TUSC3: variants seen among roughly 807,000 people sequenced by gnomAD.
The protein encoded by TUSC3 is tumor suppressor candidate 3.
Under a neutral mutation model 44.8 loss-of-function variants are expected in TUSC3, and 45 were observed. The ratio of observed to expected loss-of-function variants is 1.00; its 90% confidence interval spans 0.79 to 1.29. TUSC3 has a LOEUF of 1.29. TUSC3 is among the 50% of genes most tolerant of loss of function. TUSC3 has a pLI of 0.00. For missense variants in TUSC3, 519 were observed against 437.9 expected (o/e 1.19, Z -1.65); for synonymous variants, 212 against 152.9 (o/e 1.39, Z -2.85).
chr8:15,528,776 G>T (rs1177415916), intron 2 of TUSC3, among the ~76,000 whole-genome samples: 1 of 152,008 alleles, frequency 6.6e-6, no homozygotes, highest in Non-Finnish European at 1.5e-5. Context: ...TCAAACATTT[G>T]TCCATATCCC....
chr8:15,711,904 A>G (rs889109477), intron 6 of TUSC3, among the ~76,000 whole-genome samples: 1 of 151,864 alleles, frequency 6.6e-6, no homozygotes, highest in Admixed American at 6.6e-5. Flanking sequence ...TCACGTTTTT[A>G]CTATAGTTTC....
At chr8:15,641,844 A>G (rs1195793082) in intron 2 of TUSC3, among the ~76,000 whole-genome samples, 1 of 152,184 alleles carries the variant, frequency 6.6e-6, no homozygotes, top group Non-Finnish European at 1.5e-5. Flanking sequence ...TATTATGGTT[A>G]TTTTATATGT....
At chr8:15,791,384 G>C in the TUSC3 span, among the ~76,000 whole-genome samples, 1 of 152,114 alleles carries the variant, frequency 6.6e-6, no homozygotes, top group Admixed American at 6.6e-5. Flanking sequence ...TCATGCACAA[G>C]ATTAGTAGAG....
intron 2 of TUSC3, among the ~76,000 whole-genome samples, chr8:15,624,311 C>G (rs1306685659): frequency 6.6e-6 from 1 of 150,978 alleles, no homozygotes; most frequent in Non-Finnish European, 1.5e-5. Flanking sequence ...TGTGAACTTA[C>G]CGTTTTTCTG....
At chr8:15,686,834 C>G (rs770119217) in intron 6 of TUSC3, among the ~76,000 whole-genome samples, 2 of 151,832 alleles carry the variant, frequency 1.3e-5, no homozygotes, top group African/African-American at 4.8e-5. Flanking sequence ...TTTAGGAGGC[C>G]GAGTTTGGCG....
the TUSC3 span, among the ~76,000 whole-genome samples, chr8:15,827,461 C>T: frequency 9.2e-5 from 14 of 152,116 alleles, no homozygotes; most frequent in Non-Finnish European, 1.8e-4. Flanking sequence ...TTGGGTTTTG[C>T]TGTGTGATAG....
intron 2 of TUSC3, among the ~76,000 whole-genome samples, chr8:15,519,770 T>A (rs1400696270): frequency 6.6e-6 from 1 of 152,184 alleles, no homozygotes; most frequent in African/African-American, 2.4e-5. Context: ...AGTAATTATA[T>A]AATTGTAGAA....
intron 1 of TUSC3, among the ~76,000 whole-genome samples, chr8:15,544,755 A>G (rs369256488): frequency 4.0e-5 from 6 of 151,830 alleles, no homozygotes; most frequent in Non-Finnish European, 5.9e-5. Context: ...CAGTGATAAC[A>G]CAGGAAATCA....
intron 2 of TUSC3, among the ~76,000 whole-genome samples, chr8:15,534,499 C>G (rs190640050): frequency 6.6e-6 from 1 of 151,844 alleles, no homozygotes; most frequent in Non-Finnish European, 1.5e-5. Context: ...AAAAATTAGC[C>G]GGGCTTGGTG....
chr8:15,564,488 T>G (rs1227872404), intron 1 of TUSC3, among the ~76,000 whole-genome samples: 3 of 152,174 alleles, frequency 2.0e-5, no homozygotes, highest in African/African-American at 7.2e-5. Context: ...CCCTTTTGTT[T>G]GTGAATATGT....
chr8:15,651,907 T>A (rs374148176), intron 3 of TUSC3, among the ~76,000 whole-genome samples: 18 of 152,294 alleles, frequency 1.2e-4, no homozygotes, highest in African/African-American at 4.3e-4. Flanking sequence ...ACTGTTCAAC[T>A]TATGTATTAT....
At chr8:15,675,901 G>C (rs959491399) in intron 6 of TUSC3, among the ~76,000 whole-genome samples, 1 of 152,146 alleles carries the variant, frequency 6.6e-6, no homozygotes, top group Non-Finnish European at 1.5e-5. Context: ...GAACATACAA[G>C]TGTATGTGTC....
chr8:15,569,506 G>C (rs1373823957), intron 1 of TUSC3, among the ~76,000 whole-genome samples: 6 of 152,030 alleles, frequency 3.9e-5, no homozygotes, highest in East Asian at 3.9e-4. Context: ...TCTGGATCTG[G>C]GCAAAGATAA....
chr8:15,594,379 T>A (rs1803980256), intron 1 of TUSC3, among the ~76,000 whole-genome samples: 1 of 152,138 alleles, frequency 6.6e-6, no homozygotes, highest in Non-Finnish European at 1.5e-5. Context: ...TTGGTTTTGA[T>A]CGATTGATTT....
At chr8:15,582,546 A>G (rs563090561) in intron 1 of TUSC3, among the ~76,000 whole-genome samples, 23 of 152,224 alleles carry the variant, frequency 1.5e-4, no homozygotes, top group Non-Finnish European at 2.2e-4. Flanking sequence ...GCTCAAAGAG[A>G]CTAAACATTA....
chr8:15,849,689 C>T, the TUSC3 span, among the ~76,000 whole-genome samples: 1 of 152,082 alleles, frequency 6.6e-6, no homozygotes, highest in East Asian at 1.9e-4. Context: ...ATAAAGCTGG[C>T]TGTGATGAAC....
chr8:15,811,749 T>C, the TUSC3 span, among the ~76,000 whole-genome samples: 2 of 152,310 alleles, frequency 1.3e-5, no homozygotes, highest in East Asian at 1.9e-4. Context: ...TTAAAGCTTA[T>C]AGTGCTTTGA....
chr8:15,694,245 C>A (rs550649531), intron 6 of TUSC3, among the ~76,000 whole-genome samples: 1 of 151,880 alleles, frequency 6.6e-6, no homozygotes, highest in African/African-American at 2.4e-5. Flanking sequence ...GAGTTTCATA[C>A]CAGCCTAGCC....
At chr8:15,748,197 A>C (rs928145684) in intron 8 of TUSC3, among the ~76,000 whole-genome samples, 178 bp from the exon 9 acceptor site, 2 of 152,084 alleles carry the variant, frequency 1.3e-5, no homozygotes, top group African/African-American at 2.4e-5. Flanking sequence ...ATTGAGAAGA[A>C]TGTGGAAAAT....
Sources: allele counts gnomAD v4.1 joint callset (sites outside exome capture counted in the v4.1 genomes callset), GRCh38; gene constraint gnomAD v4.1.1; transcripts MANE v1.5; gene names NCBI Gene and HGNC (gene_info 2026-07-23, HGNC 2026-07-21).